Variants in RASL12 observed in about 807,000 individuals in gnomAD.
The protein encoded by RASL12 is RAS like family 12.
In RASL12, 16 loss-of-function variants were observed where a neutral mutation model predicts 22.9. The ratio of observed to expected loss-of-function variants is 0.70; its 90% confidence interval spans 0.47 to 1.06. The LOEUF (loss-of-function observed/expected upper bound fraction) is 1.06. RASL12 is among the 50% of genes least tolerant of loss of function. The probability of loss-of-function intolerance (pLI) is 0.00; values close to 1 mark genes in which losing one functional copy is unlikely to be tolerated. For synonymous variants in RASL12, 159 were observed against 152.2 expected, an observed-to-expected ratio of 1.04 and a Z score of -0.33; for missense variants, 306 against 353.1, an observed-to-expected ratio of 0.87 and a Z score of 1.07.
At chr15:65,050,833 C>CTTTTTTTTTTTT (rs67418433), downstream of RASL12, among the ~76,000 whole-genome samples, 37 of 88,602 alleles carry the variant, frequency 4.2e-4, 1 homozygote, top group Non-Finnish European at 4.7e-4. Context: ...TCTTCTTCTT[C>CTTTTTTTTTTTT]TTCTTTTTTT....
chr15:65,047,423 C>T, the RASL12 span, among the ~76,000 whole-genome samples: 1 of 152,110 alleles, frequency 6.6e-6, no homozygotes, highest in East Asian at 1.9e-4. Flanking sequence ...GTATTGTTCT[C>T]ATGAAAGCAG....
the RASL12 span, among the ~76,000 whole-genome samples, chr15:65,046,016 T>C: frequency 6.6e-6 from 1 of 151,724 alleles, no homozygotes; most frequent in Non-Finnish European, 1.5e-5. Flanking sequence ...AAATACAAAA[T>C]TGGCCGGGTG....
In RASL12 at chr15:65,054,761, T is replaced by C. The variant is rs1401437545; in HGVS notation, c.*138A>G. ...CTGCCACTCCAGCTCACACAGTGAA[T>C]TGAGTGTAGGGACACTGCTTGGTGC... On this transcript the variant is annotated 3_prime_UTR_variant, in exon 5 of 5. Transcript: ENST00000220062. 1 of 1,473,272 alleles carries C rather than the reference T, an allele frequency of 6.8e-7. No homozygotes were observed. Among genetic ancestry groups the C allele is most frequent in the East Asian group, 2.4e-5 (1 of 42,512 alleles). 91.3% of individuals were successfully genotyped at this position (1,473,272 alleles called of 1,614,324 possible).
intron 1 of RASL12, among the ~76,000 whole-genome samples, chr15:65,066,099 A>G (rs1003405486): frequency 5.9e-5 from 9 of 151,534 alleles, no homozygotes; most frequent in African/African-American, 2.2e-4. Flanking sequence ...AAGAGAAGGA[A>G]AGAGAAAGAA....
At chr15:65,066,496 C>T (rs1242593393) in intron 1 of RASL12, among the ~76,000 whole-genome samples, 4 of 151,130 alleles carry the variant, frequency 2.6e-5, no homozygotes, top group Non-Finnish European at 5.9e-5. Context: ...GCCTGAGTGA[C>T]AGAGACACTG....
intron 2 of RASL12, among the ~76,000 whole-genome samples, chr15:65,063,826 G>A (rs117270833): frequency 6.6e-6 from 1 of 152,344 alleles, no homozygotes; most frequent in Non-Finnish European, 1.5e-5. Flanking sequence ...CCTGAACTAA[G>A]GGGCTGGGCA....
chr15:65,067,949 G>A lies in RASL12; in HGVS notation c.-114C>T. 8.3e-7 allele frequency: 1 copy of A among 1,202,120 alleles called. No individual in the cohort carries two copies. Among genetic ancestry groups the A allele is most frequent in the Non-Finnish European group, 1.0e-6 (1 of 969,020 alleles). 74.5% of individuals were successfully genotyped at this position (1,202,120 alleles called of 1,614,324 possible). Reference sequence around the variant, plus strand: ...GGCTTCCCTGGAGCGCGCGGCCCCGGACCCGTCGGCGTCCGCGCCCTCGGC... The same window carrying A: ...GGCTTCCCTGGAGCGCGCGGCCCCGAACCCGTCGGCGTCCGCGCCCTCGGC... On this transcript the variant is annotated 5_prime_UTR_variant, in exon 1 of 5. Transcript: ENST00000220062.
chr15:65,071,117 C>T (rs993280348), upstream of RASL12, among the ~76,000 whole-genome samples: 5 of 152,184 alleles, frequency 3.3e-5, no homozygotes, highest in African/African-American at 1.2e-4. Context: ...AGGGTTATAT[C>T]TTCTCTATCA....
chr15:65,065,178 G>C, intron 2 of RASL12, 39 bp downstream of exon 2: 1 of 1,598,942 alleles, frequency 6.3e-7, no homozygotes, highest in Non-Finnish European at 8.5e-7. Flanking sequence ...ACTCCAGATG[G>C]GGCACAGGCA....
In RASL12 at chr15:65,067,901, G is replaced by A. The variant is rs1028131612; in HGVS notation, c.-66C>T. The A allele has an allele frequency of 7.4e-7, 1 of 1,358,804 alleles. No homozygotes were observed. The highest frequency in any genetic ancestry group is 9.4e-7 in the Non-Finnish European group (1 of 1,060,644). 84.2% of individuals were successfully genotyped at this position (1,358,804 alleles called of 1,614,324 possible). A position where few individuals can be genotyped will look rare whatever the true frequency, so the allele number is the denominator to read the frequency against. On this transcript the variant is annotated 5_prime_UTR_variant, in exon 1 of 5. Coordinates refer to ENST00000220062, the MANE Select transcript of RASL12 (RefSeq NM_016563.4). ...GCCCCGCGCAGTGCGCCCGCCCGTC[G>A]GGGCCCAGGGGAGCGGGATGCAGGC...
chr15:65,063,963 G>A (rs1202046600), intron 2 of RASL12, among the ~76,000 whole-genome samples: 3 of 152,192 alleles, frequency 2.0e-5, no homozygotes, highest in African/African-American at 4.8e-5. Context: ...GCTCTCAGGG[G>A]TCCCATGAAT....
intron 1 of RASL12, among the ~76,000 whole-genome samples, chr15:65,073,633 A>G (rs2086946525): frequency 6.6e-6 from 1 of 152,032 alleles, no homozygotes; most frequent in African/African-American, 2.4e-5. Context: ...AGGGTTGGGG[A>G]CCCCTGCTTT....
chr15:65,047,267 C>T, the RASL12 span, among the ~76,000 whole-genome samples: 48 of 146,726 alleles, frequency 3.3e-4, no homozygotes, highest in Non-Finnish European at 5.3e-4. Flanking sequence ...ACCTGGGAGG[C>T]GGTGGTTGCA....
At chr15:65,051,430 G>T, downstream of RASL12, 2 of 1,298,758 alleles carry the variant, frequency 1.5e-6, no homozygotes, top group Non-Finnish European at 2.2e-6. Flanking sequence ...CTGTAAGCTG[G>T]GTCTGAGCCC....
chr15:65,056,725 C>T (rs563507653), intron 4 of RASL12, among the ~76,000 whole-genome samples: 1 of 152,224 alleles, frequency 6.6e-6, no homozygotes, highest in South Asian at 2.1e-4. Context: ...GTGAGACAGT[C>T]GTGGGAGACA....
downstream of RASL12, chr15:65,050,212 C>A: frequency 1.2e-6 from 1 of 834,218 alleles, no homozygotes; most frequent in Non-Finnish European, 1.9e-6. Context: ...CGGTACATTT[C>A]CTCCAAGACA....
At chr15:65,063,107 C>T (rs543696483) in intron 2 of RASL12, among the ~76,000 whole-genome samples, 12 of 152,094 alleles carry the variant, frequency 7.9e-5, no homozygotes, top group Non-Finnish European at 1.3e-4. Context: ...TAGGCTCATC[C>T]GGTGGCACCC....
chr15:65,058,403 A>G, intron 4 of RASL12, 24 bp downstream of exon 4: 1 of 1,418,846 alleles, frequency 7.0e-7, no homozygotes, highest in Admixed American at 2.5e-5. Context: ...CTCTGGAGAT[A>G]ACGGCCAAGC....
Position 65,053,498 on chromosome 15 carries a change from T to C in RASL12, c.*1401A>G, listed in dbSNP as rs143528513. The C allele has an allele frequency of 1.2e-3, 1,355 of 1,116,098 alleles. 2 individuals are homozygous for C. Among genetic ancestry groups the C allele is most frequent in the South Asian group, 3.5e-3 (144 of 40,650 alleles). 69.1% of individuals were successfully genotyped at this position (1,116,098 alleles called of 1,614,324 possible). A position where few individuals can be genotyped will look rare whatever the true frequency, so the allele number is the denominator to read the frequency against. On this transcript the variant is annotated 3_prime_UTR_variant, in exon 5 of 5. Transcript: ENST00000220062. ...GCTGGCCTGTGGGTCGGGAAGCCTG[T>C]AGGACTGCAAGCATGTGGTCTTGAG...
Sources: gnomAD v4.1 joint callset for allele counts (sites outside exome capture counted in the v4.1 genomes callset) on GRCh38, gnomAD v4.1.1 for gene constraint, MANE v1.5 for transcripts, NCBI Gene and HGNC (gene_info 2026-07-23, HGNC 2026-07-21) for gene names.